ALDH1A1: variants seen among roughly 807,000 people sequenced by gnomAD.
ALDH1A1 encodes aldehyde dehydrogenase 1A1.
A neutral mutation model predicts 62.1 loss-of-function variants in ALDH1A1; 19 were observed. The ratio of observed to expected loss-of-function variants is 0.31; its 90% CI spans 0.21 to 0.45. The LOEUF is 0.45. Ranked by LOEUF, ALDH1A1 falls within the 20% of genes least tolerant of loss-of-function variation. The pLI, the probability that ALDH1A1 is intolerant of heterozygous loss-of-function variation, is 1.00. For synonymous variants in ALDH1A1, 231 were observed against 215.9 expected (o/e 1.07, Z -0.61); for missense variants, 521 against 607.1 (o/e 0.86, Z 1.49).
At chr9:72,927,070 G>T in intron 5 of ALDH1A1, 46 bp downstream of exon 5, 3 of 1,373,816 alleles carry the variant, frequency 2.2e-6, no homozygotes, top group South Asian at 1.3e-5. Context: ...GATAGAATAA[G>T]AACTCTTCTT....
intron 5 of ALDH1A1, 133 bp from the exon 6 acceptor site, chr9:72,925,745 A>T: frequency 4.9e-6 from 5 of 1,020,842 alleles, no homozygotes; most frequent in Middle Eastern, 2.7e-4. Flanking sequence ...CTGGCATATT[A>T]TACTTCATTG....
chr9:72,938,557 C>T (rs1248063504), intron 2 of ALDH1A1, among the ~76,000 whole-genome samples: 1 of 152,126 alleles, frequency 6.6e-6, no homozygotes, highest in Non-Finnish European at 1.5e-5. Context: ...AGTGATTCTC[C>T]TACCTCAGCC....
intron 2 of ALDH1A1, among the ~76,000 whole-genome samples, chr9:72,932,516 T>A (rs1271116599): frequency 1.3e-5 from 2 of 152,198 alleles, no homozygotes; most frequent in Non-Finnish European, 2.9e-5. Context: ...TAATAATATT[T>A]ACTGACTACA....
Position 72,920,749 on chromosome 9 carries a change from C to A in ALDH1A1, c.748-1927G>T, listed in dbSNP as rs1830129750. On this transcript the variant is annotated intron_variant, in intron 7 of 12. Coordinates refer to ENST00000297785, the MANE Select transcript of ALDH1A1 (RefSeq NM_000689.5). The stretch of plus-strand genomic sequence containing the variant: ...GACATTAATTTTTGTCTCATGATTT[C>A]ATTCCCTTATTTGGAGAAAAGTAAA... Among the ~76,000 whole-genome samples, 3 of 152,306 alleles carry A rather than the reference C, an allele frequency of 2.0e-5. 1 individual carries two copies. In the South Asian group the frequency reaches 6.2e-4, roughly 32 times the overall value.
intron 2 of ALDH1A1, among the ~76,000 whole-genome samples, chr9:72,933,610 A>AAAT (rs1830311481): frequency 2.5e-5 from 3 of 119,020 alleles, no homozygotes; most frequent in Non-Finnish European, 1.8e-5. Context: ...AAAAAAAAAA[A>AAAT]AAAGAAAAAG....
intron 5 of ALDH1A1, 38 bp from the exon 6 acceptor site, chr9:72,925,650 C>T (rs774798542): frequency 4.4e-6 from 7 of 1,599,664 alleles, no homozygotes; most frequent in Non-Finnish European, 5.1e-6. Flanking sequence ...CTTTGTATTG[C>T]AAAAGGCATA....
In ALDH1A1 at chr9:72,950,053, T is replaced by C. The variant is rs527332730; in HGVS notation, c.66+2882A>G. Among the ~76,000 whole-genome samples the C allele has an allele frequency of 2.0e-5, 3 of 151,758 alleles. No individual in the cohort carries two copies. The East Asian group carries it at 5.8e-4, about 30-fold the overall frequency. ...TAGGAGAAGACGTGAGGCATACTTG[T>C]AGGAAACAGGTCTAGGAAAGGTTGG... On this transcript the variant is annotated intron_variant, in intron 1 of 12. Transcript: ENST00000297785.
chr9:72,939,550 CT>C (rs111546946), intron 2 of ALDH1A1, among the ~76,000 whole-genome samples: 14 of 146,550 alleles, frequency 9.6e-5, no homozygotes, highest in Middle Eastern at 3.4e-3. Flanking sequence ...TTTTCCTTTT[CT>C]TTTTTTTTTT....
chr9:72,938,442 T>C (rs1027299353), intron 2 of ALDH1A1, among the ~76,000 whole-genome samples: 1 of 152,078 alleles, frequency 6.6e-6, no homozygotes, highest in Admixed American at 6.6e-5. Context: ...TTATGCTATC[T>C]AATTTTTTAT....
chr9:72,935,998 G>A (rs556206510), intron 2 of ALDH1A1, among the ~76,000 whole-genome samples: 5 of 152,272 alleles, frequency 3.3e-5, no homozygotes, highest in South Asian at 2.1e-4. Context: ...GATGATAAGA[G>A]TGCTAGATGT....
intron 2 of ALDH1A1, 129 bp downstream of exon 2, chr9:72,940,019 T>C: frequency 1.6e-6 from 1 of 618,924 alleles, no homozygotes; most frequent in Non-Finnish European, 2.8e-6. Flanking sequence ...TTAGACAATT[T>C]TCCTAAGCTG....
intron 3 of ALDH1A1, 135 bp from the exon 4 acceptor site, chr9:72,929,156 C>T (rs1041396672): frequency 4.1e-6 from 4 of 977,178 alleles, no homozygotes; most frequent in African/African-American, 1.6e-5. Flanking sequence ...CTAACCTCCA[C>T]TTTTTAAGAG....
chr9:72,909,816 T>A (rs776097775), intron 10 of ALDH1A1, 57 bp from the exon 11 acceptor site: 5 of 1,424,258 alleles, frequency 3.5e-6, no homozygotes, highest in East Asian at 2.4e-5. Context: ...ATATTTTAAA[T>A]GATATCGTAG....
At chr9:72,907,400 G>A (rs1157151240) in intron 11 of ALDH1A1, among the ~76,000 whole-genome samples, 1 of 152,140 alleles carries the variant, frequency 6.6e-6, no homozygotes, top group African/African-American at 2.4e-5. Flanking sequence ...TAACAAGATG[G>A]TCCCCTCTGT....
At chr9:72,917,219 G>A (rs1250504589) in intron 8 of ALDH1A1, 115 bp from the exon 9 acceptor site, 8 of 789,378 alleles carry the variant, frequency 1.0e-5, no homozygotes, top group African/African-American at 7.2e-5. Flanking sequence ...GTCAGACATG[G>A]GCTCAGTATA....
chr9:72,936,635 A>C (rs1830350184), intron 2 of ALDH1A1, among the ~76,000 whole-genome samples: 1 of 152,086 alleles, frequency 6.6e-6, no homozygotes, highest in African/African-American at 2.4e-5. Context: ...GTGAAGAATA[A>C]ATTTCTCTCT....
intron 8 of ALDH1A1, among the ~76,000 whole-genome samples, chr9:72,917,329 T>C (rs141475679): frequency 6.6e-6 from 1 of 152,220 alleles, no homozygotes; most frequent in Non-Finnish European, 1.5e-5. Flanking sequence ...TAGTGGTTAC[T>C]ATTACAACTT....
intron 9 of ALDH1A1, among the ~76,000 whole-genome samples, chr9:72,916,547 A>C (rs1830066590): frequency 1.3e-5 from 2 of 152,110 alleles, no homozygotes; most frequent in Non-Finnish European, 2.9e-5. Flanking sequence ...GGCTGTGGAG[A>C]TGAAGGATTC....
chr9:72,937,006 TG>T (rs1485912320), intron 2 of ALDH1A1, among the ~76,000 whole-genome samples: 1 of 151,998 alleles, frequency 6.6e-6, no homozygotes, highest in African/African-American at 2.4e-5. Context: ...TAGGGGAAGG[TG>T]GGGCTCAGCT....
Sources: allele counts gnomAD v4.1 joint callset (sites outside exome capture counted in the v4.1 genomes callset), GRCh38; gene constraint gnomAD v4.1.1; transcripts MANE v1.5; gene names NCBI Gene and HGNC (gene_info 2026-07-23, HGNC 2026-07-21).